The following PTK2B variants were observed in gnomAD, a reference collection of about 807,000 sequenced individuals.
PTK2B encodes the protein protein tyrosine kinase 2 beta.
In PTK2B, 71 loss-of-function variants were observed where a neutral mutation model predicts 142.9. The observed-to-expected ratio is 0.50, with a 90% CI of 0.41 to 0.61. The LOEUF (loss-of-function observed/expected upper bound fraction) is 0.61, where lower values mean the gene tolerates loss of function less well. Ranked by LOEUF, PTK2B falls within the 20% of genes least tolerant of loss-of-function variation. The pLI is 0.00. For missense variants in PTK2B, 1,105 were observed against 1,320.4 expected, an observed-to-expected ratio of 0.84 and a Z score of 2.53; for synonymous variants, 519 against 503.4, an observed-to-expected ratio of 1.03 and a Z score of -0.42.
chr8:27,338,455 G>A (rs528034542), intron 1 of PTK2B, among the ~76,000 whole-genome samples: 4 of 152,140 alleles, frequency 2.6e-5, no homozygotes, highest in Admixed American at 6.5e-5. Flanking sequence ...CTGCTCCAGT[G>A]GTGTGAGTCC....
In PTK2B at chr8:27,397,628, C is replaced by T. The variant is rs762236399; in HGVS notation, c.44C>T (p.Thr15Met). 2 of 1,614,182 alleles carry T rather than the reference C, an allele frequency of 1.2e-6. No individual in the cohort carries two copies. The highest frequency in any genetic ancestry group is 2.2e-5 in the East Asian group (1 of 44,888). ...SEPLSRVKLG[T>M]LRRPEGPAEP... ...CCCCTGAGTCGAGTAAAGTTGGGCA[C>T]GTTACGCCGGCCTGAAGGCCCTGCA... The change falls in exon 2 of 31, where the codon ACG (threonine) becomes ATG (methionine). Residue 15 changes from threonine to methionine, a missense_variant. Transcript: ENST00000346049.
intron 1 of PTK2B, among the ~76,000 whole-genome samples, chr8:27,370,266 G>A (rs1806271530): frequency 6.6e-6 from 1 of 152,204 alleles, no homozygotes; most frequent in Non-Finnish European, 1.5e-5. Flanking sequence ...ACTACCCAGT[G>A]GATTTATGGA....
At chr8:27,420,975 G>T (rs1319789021) in intron 4 of PTK2B, among the ~76,000 whole-genome samples, 1 of 152,124 alleles carries the variant, frequency 6.6e-6, no homozygotes, top group Admixed American at 6.5e-5. Context: ...AGCTCCTCTT[G>T]GACTTTTCTG....
chr8:27,453,089 C>A, intron 27 of PTK2B, 25 bp from the exon 28 acceptor site: 1 of 1,613,468 alleles, frequency 6.2e-7, no homozygotes, highest in Non-Finnish European at 8.5e-7. Flanking sequence ...GAACTGCCCC[C>A]CACTTGCTGT....
intron 15 of PTK2B, among the ~76,000 whole-genome samples, chr8:27,436,754 AAG>A (rs1177052061): frequency 6.6e-6 from 1 of 151,920 alleles, no homozygotes; most frequent in African/African-American, 2.4e-5. Flanking sequence ...GGAAGAAAGA[AAG>A]AGGCAGTAAG....
At chr8:27,396,957 C>G (rs1808086716) in intron 1 of PTK2B, among the ~76,000 whole-genome samples, 1 of 152,184 alleles carries the variant, frequency 6.6e-6, no homozygotes, top group African/African-American at 2.4e-5. Flanking sequence ...GAGCTCCTGT[C>G]AGACGGAAGC....
At chr8:27,385,752 G>A (rs919903252) in intron 1 of PTK2B, among the ~76,000 whole-genome samples, 2 of 152,092 alleles carry the variant, frequency 1.3e-5, no homozygotes, top group African/African-American at 4.8e-5. Context: ...AAATAGCTGG[G>A]TATGGGGGCG....
chr8:27,424,656 G>A (rs1430769779), intron 5 of PTK2B, among the ~76,000 whole-genome samples: 1 of 152,150 alleles, frequency 6.6e-6, no homozygotes, highest in East Asian at 1.9e-4. Flanking sequence ...TTGTTATGAT[G>A]AGCCATTTTA....
intron 1 of PTK2B, among the ~76,000 whole-genome samples, chr8:27,387,877 C>T (rs1264214069): frequency 6.0e-5 from 9 of 150,782 alleles, no homozygotes; most frequent in African/African-American, 9.8e-5. Context: ...TCACAAGTTG[C>T]GTTTTGTTAA....
intron 5 of PTK2B, among the ~76,000 whole-genome samples, chr8:27,423,674 G>A (rs1187297843): frequency 6.6e-6 from 1 of 152,134 alleles, no homozygotes; most frequent in Non-Finnish European, 1.5e-5. Flanking sequence ...CTGCTTCTAC[G>A]GAGCCAGCTG....
intron 28 of PTK2B, 89 bp downstream of exon 28, chr8:27,453,249 A>G: frequency 6.5e-7 from 1 of 1,545,396 alleles, no homozygotes; most frequent in Non-Finnish European, 8.9e-7. Context: ...CACAGTTCTC[A>G]GATAGAATCC....
intron 26 of PTK2B, 63 bp downstream of exon 26, chr8:27,451,141 G>T: frequency 6.4e-7 from 1 of 1,558,316 alleles, no homozygotes; most frequent in East Asian, 2.2e-5. Flanking sequence ...GCCCACCATA[G>T]GACCCCCCGC....
intron 1 of PTK2B, among the ~76,000 whole-genome samples, chr8:27,341,091 A>G (rs1418516683): frequency 6.6e-6 from 1 of 152,160 alleles, no homozygotes; most frequent in Non-Finnish European, 1.5e-5. Context: ...GATGACACAC[A>G]GAGGATGTTC....
chr8:27,413,251 A>G (rs1460251882), intron 2 of PTK2B, among the ~76,000 whole-genome samples: 1 of 152,234 alleles, frequency 6.6e-6, no homozygotes, highest in Non-Finnish European at 1.5e-5. Flanking sequence ...GGAATGCTCC[A>G]GGGTTTATCT....
At chr8:27,436,381 TC>T in intron 15 of PTK2B, 33 bp downstream of exon 15, 1 of 1,563,808 alleles carries the variant, frequency 6.4e-7, no homozygotes, top group African/African-American at 1.4e-5. Context: ...ACACTCCTCT[TC>T]CACATGTCTG....
intron 5 of PTK2B, among the ~76,000 whole-genome samples, chr8:27,429,456 C>T (rs1810277022): frequency 6.6e-6 from 1 of 152,198 alleles, no homozygotes; most frequent in Non-Finnish European, 1.5e-5. Context: ...CATGTGAGAA[C>T]ATTAGCTATT....
chr8:27,315,692 A>T (rs1023423452), intron 3 of PTK2B, among the ~76,000 whole-genome samples: 6 of 152,102 alleles, frequency 3.9e-5, no homozygotes, highest in African/African-American at 1.4e-4. Context: ...GAAGAGTAGA[A>T]ATTGTATCTT....
rs577746675 is a variant in PTK2B, at chr8:27,432,323, C to A, written c.949C>A (p.Gln317Lys). ...SIRCLPLEEGQAVLQLGIEGA... is the reference protein window; with the variant it reads ...SIRCLPLEEGKAVLQLGIEGA... ...CAGGTGCCTCCCGCTGGAGGAGGGC[C>A]AGGCAGTACTTCAGCTGGGCATTGA... The change falls in exon 10 of 31, where the codon CAG becomes AAG. Residue 317 changes from glutamine (Q) to lysine (K), a missense_variant. Physicochemically the swap from Gln to Lys is moderately conservative, Grantham distance 53 (BLOSUM62 1). Transcript: ENST00000346049. The A allele has an allele frequency of 1.9e-6, 3 of 1,613,896 alleles. No individual in the cohort carries two copies. The highest frequency in any genetic ancestry group is 2.7e-5 in the African/African-American group (2 of 74,908).
chr8:27,324,365 C>T (rs544541033), upstream of PTK2B, among the ~76,000 whole-genome samples: 1 of 152,360 alleles, frequency 6.6e-6, no homozygotes, highest in Admixed American at 6.5e-5. Context: ...CTGGCAGTGC[C>T]CATCAATGGG....
Sources: gnomAD v4.1 joint callset for allele counts (sites outside exome capture counted in the v4.1 genomes callset) on GRCh38, gnomAD v4.1.1 for gene constraint, MANE v1.5 for transcripts, NCBI Gene and HGNC (gene_info 2026-07-23, HGNC 2026-07-21) for gene names.